Variants in FAT1 observed in about 807,000 individuals in gnomAD.
The protein encoded by FAT1 is protocadherin Fat 1.
A neutral mutation model predicts 329.8 loss-of-function variants in FAT1; 171 were observed. That is an observed-to-expected ratio of 0.52 (90% confidence interval 0.46 to 0.59). The LOEUF (loss-of-function observed/expected upper bound fraction) is 0.59. FAT1 is among the 20% of genes least tolerant of loss of function. The pLI, the probability that FAT1 is intolerant of heterozygous loss-of-function variation, is 0.00. For missense variants in FAT1, 5,672 were observed against 5,774.4 expected (o/e 0.98, Z 0.57); for synonymous variants, 2,233 against 2,228.6 (o/e 1.00, Z -0.06).
Position 186,618,810 on chromosome 4 carries a change from A to C in FAT1, c.7776T>G (p.Asn2592Lys), listed in dbSNP as rs2126499165. 1.9e-6 allele frequency: 3 copies of C among 1,614,014 alleles called. No individual in the cohort carries two copies. The highest frequency in any genetic ancestry group is 2.5e-6 in the Non-Finnish European group (3 of 1,179,882). ...VNVILTDDNDNAPQFRATKYE... is the reference protein window; with the variant it reads ...VNVILTDDNDKAPQFRATKYE... The stretch of plus-strand genomic sequence containing the variant: ...ATTTGGTTGCTCGAAATTGTGGTGC[A>C]TTGTCATTGTCATCTGTAAGGATGA... Residue 2592 changes from asparagine to lysine, a missense_variant, in exon 10 of 27, where the codon AAT (asparagine) becomes AAG (lysine). Transcript: ENST00000441802.
At position 186,619,560 on chromosome 4, in the gene FAT1, G is replaced by C. The variant is rs546878527; in HGVS notation, c.7026C>G (p.Ile2342Met). 1.2e-6 allele frequency: 2 copies of C among 1,613,948 alleles called. No individual in the cohort carries two copies. Among genetic ancestry groups the C allele is most frequent in the South Asian group, 2.2e-5 (2 of 91,084 alleles). ...HFHVDSSTGLISLLRTLDYEQ... is the reference protein window; with the variant it reads ...HFHVDSSTGLMSLLRTLDYEQ... ...CGTAATCCAGGGTTCTGAGTAGTGA[G>C]ATGAGGCCAGTGCTGCTGTCTACAT... Residue 2342 changes from isoleucine to methionine, a missense_variant, in exon 10 of 27, where the codon ATC (isoleucine) becomes ATG (methionine). This residue lies in a region of FAT1 where 3,966 missense variants were observed against 3,915.2 expected (regional missense o/e 1.01). Transcript: ENST00000441802.
upstream of FAT1, among the ~76,000 whole-genome samples, chr4:186,725,198 C>T (rs919176373): frequency 1.3e-5 from 2 of 152,068 alleles, no homozygotes; most frequent in African/African-American, 4.8e-5. The surrounding 1 kb of genome is among the most constrained non-coding windows in gnomAD (Gnocchi z 5.4). Context: ...CAATTTCATA[C>T]ATGGAACACC....
At chr4:186,705,395 A>T (rs1166251065) in intron 2 of FAT1, among the ~76,000 whole-genome samples, 1 of 152,170 alleles carries the variant, frequency 6.6e-6, no homozygotes, top group South Asian at 2.1e-4. Context: ...AGGTAATTTT[A>T]AAAAGGTCCC....
rs1174499299 is a variant in FAT1, at chr4:186,618,400, T to C, written c.8186A>G (p.His2729Arg). 6 of 1,613,940 alleles carry C rather than the reference T, an allele frequency of 3.7e-6. No individual in the cohort carries two copies. The highest frequency in any genetic ancestry group is 2.5e-6 in the Non-Finnish European group (3 of 1,179,914). The change falls in exon 10 of 27, where the codon CAT becomes CGT. Residue 2729 changes from histidine (H) to arginine (R), a missense_variant. Physicochemically the swap from His to Arg is conservative, Grantham distance 29. Coordinates refer to ENST00000441802, the MANE Select transcript of FAT1 (RefSeq NM_005245.4). ...GTEIDLIRAE[H>R]SGTVLYSLVK... is the part of the protein sequence containing the mutation. ...CAGGCTGTAAAGAACAGTCCCACTA[T>C]GTTCTGCTCGGATGAGATCTATCTC...
Position 186,628,545 on chromosome 4 carries a change from G to A in FAT1, c.4542C>T (p.Leu1514=). Residue 1514 remains leucine, a synonymous_variant, in exon 8 of 27, where the codon CTC becomes CTT. Coordinates refer to ENST00000441802, the MANE Select transcript of FAT1 (RefSeq NM_005245.4). Reference sequence around the variant, plus strand: ...CATGATCCAGTTTCTCAGAAGTATAGAGAGAGCCGGTTGCAGGATCAAGAC... The same window carrying A: ...CATGATCCAGTTTCTCAGAAGTATAAAGAGAGCCGGTTGCAGGATCAAGAC... ...KFRLDPATGS[L]YTSEKLDHEA... is the part of the protein sequence containing the mutation. 1 of 1,613,978 alleles carries A rather than the reference G, an allele frequency of 6.2e-7. No individual in the cohort carries two copies. The highest frequency in any genetic ancestry group is 1.3e-5 in the African/African-American group (1 of 75,032).
At position 186,628,625 on chromosome 4, in the gene FAT1, T is replaced by C. The variant is rs1245240389; in HGVS notation, c.4462A>G (p.Lys1488Glu). ...CTGCTCTGCAGAGTGTAGATTAGTT[T>C]GTTTTTCTCATCCTGATCCACAGCA... ...ISAVDQDEKN[K>E]LIYTLQSSRD... Residue 1488 changes from lysine to glutamate, a missense_variant, in exon 8 of 27, where the codon AAA becomes GAA. By Grantham distance (56) the Lys-to-Glu change is moderately conservative. Transcript: ENST00000441802. The C allele has an allele frequency of 6.2e-7, 1 of 1,613,966 alleles. No individual in the cohort carries two copies. The highest frequency in any genetic ancestry group is 1.7e-5 in the Admixed American group (1 of 60,020).
Position 186,605,755 on chromosome 4 carries a change from A to T in FAT1, c.10350+315T>A, listed in dbSNP as rs551405086. 1.2e-4 allele frequency among the ~76,000 whole-genome samples: 17 copies of T among 145,008 alleles called. No homozygotes were observed. The South Asian group carries it at 3.9e-3, about 34-fold the overall frequency. ...GATTGGGGGCTAGAAGAAGAGCAAG[A>T]GGGAAGAGGAAGGTCAAGGGGGGAG... On this transcript the variant is annotated intron_variant, in intron 17 of 26. Transcript: ENST00000441802.
intron 2 of FAT1, among the ~76,000 whole-genome samples, chr4:186,687,537 GA>G (rs2126653957): frequency 6.6e-6 from 1 of 152,272 alleles, no homozygotes; most frequent in South Asian, 2.1e-4. Flanking sequence ...ATACAAACAG[GA>G]TGAGTGTCCC....
At position 186,709,861 on chromosome 4, in the gene FAT1, T is replaced by A. The variant is rs779937449; in HGVS notation, c.-18-16A>T. 9.6e-6 allele frequency: 15 copies of A among 1,554,946 alleles called. No homozygotes were observed. Among genetic ancestry groups the A allele is most frequent in the Non-Finnish European group, 1.3e-5 (15 of 1,146,826 alleles). On this transcript the variant is annotated splice_polypyrimidine_tract_variant and intron_variant, in intron 1 of 26. Coordinates refer to ENST00000441802, the MANE Select transcript of FAT1 (RefSeq NM_005245.4). Reference sequence around the variant, plus strand: ...TGTCGGGAATCTGAAACAGAAGAAATCAGAATCGTTACCTTGGGGAAATAA... The same window carrying A: ...TGTCGGGAATCTGAAACAGAAGAAAACAGAATCGTTACCTTGGGGAAATAA...
In FAT1 at chr4:186,596,673, G is replaced by A. The variant is rs754068090; in HGVS notation, c.12867C>T (p.Pro4289=). 32 of 1,612,242 alleles carry A rather than the reference G, an allele frequency of 2.0e-5. No homozygotes were observed. The highest frequency in any genetic ancestry group is 1.1e-5 in the South Asian group (1 of 90,908). ...PEHPEFSTFN[P]ESVHGHRKAV... is the part of the protein sequence containing the mutation. ...CTTTTCGGTGCCCGTGCACAGACTCGGGGTTAAAAGTGCTGAATTCGGGAT... is the reference window on the plus strand; with the variant it reads ...CTTTTCGGTGCCCGTGCACAGACTCAGGGTTAAAAGTGCTGAATTCGGGAT... Residue 4289 remains proline (P), a synonymous_variant, in exon 25 of 27, where the codon CCC becomes CCT. Coordinates refer to ENST00000441802, the MANE Select transcript of FAT1 (RefSeq NM_005245.4). This position sits in a 1 kb window ranked among gnomAD's most constrained non-coding sequence, Gnocchi z 4.7.
At chr4:186,629,804 A>T (rs1740503839) in intron 7 of FAT1, among the ~76,000 whole-genome samples, 1 of 152,236 alleles carries the variant, frequency 6.6e-6, no homozygotes, top group South Asian at 2.1e-4. Flanking sequence ...TTCCAGATGC[A>T]TCCACCAAAC....
At chr4:186,607,927 T>C (rs34541761) in intron 16 of FAT1, among the ~76,000 whole-genome samples, 13 of 152,218 alleles carry the variant, frequency 8.5e-5, no homozygotes, top group Non-Finnish European at 1.5e-4. Flanking sequence ...CACTTAGGGT[T>C]TTCCAGTCTC....
At position 186,634,159 on chromosome 4, in the gene FAT1, T is replaced by A. The variant is rs78451934; in HGVS notation, c.4184-336A>T. Among the ~76,000 whole-genome samples the A allele has an allele frequency of 4.0e-3, 605 of 152,326 alleles. 5 individuals carry two copies. The highest frequency in any genetic ancestry group is 0.014 in the African/African-American group (575 of 41,562). On this transcript the variant is annotated intron_variant, in intron 6 of 26. Transcript: ENST00000441802. ...TCAATTTGTATCTCAGTAGATACCA[T>A]CACTGGGCCATTTAAAAGCTTACTT...
chr4:186,671,639 CG>C (rs1742733729), intron 2 of FAT1, among the ~76,000 whole-genome samples: 1 of 151,540 alleles, frequency 6.6e-6, no homozygotes, highest in Non-Finnish European at 1.5e-5. Flanking sequence ...GTGGAGGTTG[CG>C]GTGAGCCAAG....
rs758669356 is a variant in FAT1 at position 186,588,511 on chromosome 4, G to A, written c.*81C>T. On this transcript the variant is annotated 3_prime_UTR_variant, in exon 27 of 27. Coordinates refer to ENST00000441802, the MANE Select transcript of FAT1 (RefSeq NM_005245.4). ...TCGGCTCACCAAAAAAAGCTTGGAA[G>A]CACTGCTGCAAAGAACAGCGCGGAT... The A allele has an allele frequency of 6.7e-7, 1 of 1,487,016 alleles. No homozygotes were observed. The highest frequency in any genetic ancestry group is 8.9e-7 in the Non-Finnish European group (1 of 1,117,924). 92.1% of individuals were successfully genotyped at this position (1,487,016 alleles called of 1,614,324 possible).
At chr4:186,605,850 C>G (rs1270164363) in intron 17 of FAT1, among the ~76,000 whole-genome samples, 1 of 152,054 alleles carries the variant, frequency 6.6e-6, no homozygotes, top group African/African-American at 2.4e-5. Flanking sequence ...AATCCTAGAA[C>G]AGTGAGAATA....
chr4:186,706,642 G>A lies in FAT1; in HGVS notation c.3186C>T (p.Asp1062=), dbSNP rs371791429. 62 of 1,613,774 alleles carry A rather than the reference G, an allele frequency of 3.8e-5. No homozygotes were observed. The highest frequency in any genetic ancestry group is 8.3e-5 in the Admixed American group (5 of 59,982). Residue 1062 remains aspartate, a synonymous_variant, in exon 2 of 27, where the codon GAC becomes GAT. Coordinates refer to ENST00000441802, the MANE Select transcript of FAT1 (RefSeq NM_005245.4). ...ATCGGATCTCCCCATCTCTTCTGGC[G>A]TCCTCATCATGAGCCGACACCGTCA... ...LVMTVSAHDE[D]ARRDGEIRYS...
chr4:186,665,613 G>T (rs959137045), intron 2 of FAT1, among the ~76,000 whole-genome samples: 3 of 152,002 alleles, frequency 2.0e-5, no homozygotes, highest in African/African-American at 7.2e-5. Context: ...ATGAGTAGAT[G>T]GCAAAAATTT....
At chr4:186,710,707 C>T (rs1035339256) in intron 1 of FAT1, among the ~76,000 whole-genome samples, 8 of 152,230 alleles carry the variant, frequency 5.3e-5, no homozygotes, top group Middle Eastern at 6.8e-3. Flanking sequence ...TTCAGGGCAT[C>T]GAACAACCTG....
Sources: gnomAD v4.1 joint callset for allele counts (sites outside exome capture counted in the v4.1 genomes callset) on GRCh38, gnomAD v4.1.1 for gene constraint, gnomAD v4.1.1 regional missense constraint, Gnocchi (gnomAD v3.1) non-coding constraint, MANE v1.5 for transcripts, NCBI Gene and HGNC (gene_info 2026-07-23, HGNC 2026-07-21) for gene names.